Variants in ATP10B observed in about 807,000 individuals in gnomAD.
ATP10B encodes the protein phospholipid-transporting ATPase VB.
ATP10B carries 122 observed loss-of-function variants against 141.2 expected under a neutral mutation model. The ratio of observed to expected loss-of-function variants is 0.86; its 90% CI spans 0.75 to 1.00. The LOEUF is 1.00. Among genes scored for constraint, ATP10B ranks in the 50% least tolerant of loss-of-function variants. The pLI, the probability that ATP10B is intolerant of heterozygous loss-of-function variation, is 0.00. For synonymous variants in ATP10B, 685 were observed against 692.0 expected, an observed-to-expected ratio of 0.99 and a Z score of 0.16; for missense variants, 1,876 against 1,825.3, an observed-to-expected ratio of 1.03 and a Z score of -0.51.
At chr5:160,796,574 T>C (rs890161325) in intron 1 of ATP10B, among the ~76,000 whole-genome samples, 3 of 120,948 alleles carry the variant, frequency 2.5e-5, no homozygotes, top group African/African-American at 9.3e-5. Flanking sequence ...AGCGGTAGTA[T>C]TGTCTTCTTG....
chr5:160,634,657 T>C lies in ATP10B; in HGVS notation c.1129-51A>G, dbSNP rs772825210. ...TCAGAAACCAGGCAGGTTCCCTCCC[T>C]TGGGATCCTCACTAGCAGGTAGCAA... On this transcript the variant is annotated intron_variant, in intron 11 of 25. Coordinates refer to ENST00000327245, the MANE Select transcript of ATP10B (RefSeq NM_025153.3). 1.0e-5 allele frequency: 16 copies of C among 1,546,260 alleles called. No individual in the cohort carries two copies. In the African/African-American group the frequency reaches 1.5e-4, roughly 15 times the overall value.
chr5:160,720,558 G>A (rs1438111654), intron 2 of ATP10B, among the ~76,000 whole-genome samples: 1 of 152,224 alleles, frequency 6.6e-6, no homozygotes, highest in Non-Finnish European at 1.5e-5. Flanking sequence ...TCAGGCGTTG[G>A]CCAAGAAATC....
intron 1 of ATP10B, among the ~76,000 whole-genome samples, chr5:160,787,124 A>ACACACACACAC (rs1554116291): frequency 1.1e-4 from 16 of 148,294 alleles, no homozygotes; most frequent in Non-Finnish European, 1.9e-4. Context: ...ACACACACAC[A>ACACACACACAC]CACACACACA....
intron 7 of ATP10B, among the ~76,000 whole-genome samples, chr5:160,667,506 G>A (rs998926633): frequency 1.1e-4 from 16 of 152,178 alleles, no homozygotes; most frequent in Non-Finnish European, 1.5e-5. Flanking sequence ...AAGTGAGGGG[G>A]AGAATCAAGA....
intron 3 of ATP10B, among the ~76,000 whole-genome samples, chr5:160,704,698 T>C (rs762804737): frequency 7.9e-5 from 12 of 151,762 alleles, no homozygotes; most frequent in Non-Finnish European, 1.5e-4. Context: ...TATAAGGTTG[T>C]TTGTCTACAT....
Position 160,803,602 on chromosome 5 carries a change from G to A in ATP10B, c.-575-17799C>T, listed in dbSNP as rs149575755. On this transcript the variant is annotated intron_variant, in intron 1 of 25. Coordinates refer to ENST00000327245, the MANE Select transcript of ATP10B (RefSeq NM_025153.3). The stretch of plus-strand genomic sequence containing the variant: ...GAGGCAGGAGAATCATTGGAACCCC[G>A]GAGGTGGAGGTTGCAGTGAGCCAAG... Among the ~76,000 whole-genome samples the A allele has an allele frequency of 9.2e-3, 1,403 of 152,258 alleles. 7 individuals are homozygous for A. The highest frequency in any genetic ancestry group is 0.016 in the Non-Finnish European group (1,068 of 68,012).
intron 10 of ATP10B, among the ~76,000 whole-genome samples, chr5:160,637,889 G>C (rs776679846): frequency 6.6e-6 from 1 of 152,182 alleles, no homozygotes; most frequent in Non-Finnish European, 1.5e-5. Flanking sequence ...TGAAGGTACT[G>C]TTATAAAGCA....
chr5:160,669,712 G>A (rs1230436121), intron 7 of ATP10B, among the ~76,000 whole-genome samples: 1 of 143,898 alleles, frequency 6.9e-6, no homozygotes, highest in Non-Finnish European at 1.5e-5. Context: ...TGATTCTACC[G>A]CCTCAGTCTC....
At chr5:160,716,617 T>C (rs1581406068) in intron 3 of ATP10B, among the ~76,000 whole-genome samples, 1 of 152,140 alleles carries the variant, frequency 6.6e-6, no homozygotes, top group Non-Finnish European at 1.5e-5. Flanking sequence ...CTCCATTATC[T>C]AGGGTTAGGT....
At chr5:160,903,119 T>A in the ATP10B span, among the ~76,000 whole-genome samples, 1 of 151,754 alleles carries the variant, frequency 6.6e-6, no homozygotes, top group Non-Finnish European at 1.5e-5. Flanking sequence ...AAGGAAGGAG[T>A]CTTAGAGATG....
chr5:160,750,847 CTGAGG>C (rs1413201592), intron 2 of ATP10B, among the ~76,000 whole-genome samples: 1 of 152,248 alleles, frequency 6.6e-6, no homozygotes, highest in Non-Finnish European at 1.5e-5. Flanking sequence ...GTCTTCCAAG[CTGAGG>C]TGTCTCACTT....
intron 24 of ATP10B, among the ~76,000 whole-genome samples, chr5:160,584,062 G>C (rs1581151615): frequency 6.6e-6 from 1 of 151,876 alleles, no homozygotes; most frequent in South Asian, 2.1e-4. Context: ...GGCATTCCAG[G>C]CACCACTGGG....
intron 25 of ATP10B, 70 bp downstream of exon 25, chr5:160,569,426 G>T: frequency 6.6e-7 from 1 of 1,505,834 alleles, no homozygotes; most frequent in East Asian, 2.3e-5. Context: ...CTGACTCTTG[G>T]GTTATAAAAA....
At chr5:160,876,354 C>T in the ATP10B span, among the ~76,000 whole-genome samples, 3 of 147,638 alleles carry the variant, frequency 2.0e-5, no homozygotes, top group South Asian at 7.0e-4. Flanking sequence ...AAAGACACAA[C>T]ATACCAGGAT....
intron 6 of ATP10B, among the ~76,000 whole-genome samples, chr5:160,672,997 A>C (rs1432285907): frequency 6.6e-6 from 1 of 152,200 alleles, no homozygotes; most frequent in Non-Finnish European, 1.5e-5. Flanking sequence ...AAGTCTATAA[A>C]ATAAACAGGG....
chr5:160,717,893 T>C (rs928550603), intron 2 of ATP10B, among the ~76,000 whole-genome samples: 9 of 152,148 alleles, frequency 5.9e-5, no homozygotes, highest in Admixed American at 5.2e-4. Flanking sequence ...CTCTCTGGTA[T>C]GTACCCAAAA....
intron 1 of ATP10B, among the ~76,000 whole-genome samples, chr5:160,806,066 T>C (rs1269924396): frequency 6.6e-6 from 1 of 152,162 alleles, no homozygotes; most frequent in African/African-American, 2.4e-5. Flanking sequence ...TCCACTTTTG[T>C]GTTCTCTTTT....
At chr5:160,870,094 GA>G in the ATP10B span, among the ~76,000 whole-genome samples, 3 of 152,052 alleles carry the variant, frequency 2.0e-5, no homozygotes, top group Non-Finnish European at 4.4e-5. Flanking sequence ...ACCCAACTCC[GA>G]CTCCCTCCAG....
intron 2 of ATP10B, among the ~76,000 whole-genome samples, chr5:160,736,003 G>A (rs1159194073): frequency 1.3e-5 from 2 of 152,028 alleles, no homozygotes; most frequent in Non-Finnish European, 2.9e-5. Context: ...TACTAAGAGG[G>A]AAGTTTATAA....
Sources: allele counts gnomAD v4.1 joint callset (sites outside exome capture counted in the v4.1 genomes callset), GRCh38; gene constraint gnomAD v4.1.1; transcripts MANE v1.5; gene names NCBI Gene and HGNC (gene_info 2026-07-23, HGNC 2026-07-21).